The following RNF150 variants were observed in gnomAD, a reference collection of about 807,000 sequenced individuals.
RNF150 encodes ring finger protein 150.
A neutral mutation model predicts 39.3 loss-of-function variants in RNF150; 24 were observed. That is an observed-to-expected ratio of 0.61 (90% CI 0.44 to 0.86). The LOEUF (loss-of-function observed/expected upper bound fraction) is 0.86. RNF150 is among the 40% of genes least tolerant of loss of function. The probability of loss-of-function intolerance (pLI) is 0.00; values close to 1 mark genes in which losing one functional copy is unlikely to be tolerated. For synonymous variants in RNF150, 255 were observed against 227.3 expected (o/e 1.12, Z -1.10); for missense variants, 502 against 587.8 (o/e 0.85, Z 1.51).
At chr4:140,871,262 A>C (rs548157962) in intron 6 of RNF150, among the ~76,000 whole-genome samples, 40 of 152,228 alleles carry the variant, frequency 2.6e-4, no homozygotes, top group South Asian at 8.3e-4. Context: ...GGCCTCCTAC[A>C]TAGTGGGTTC....
At chr4:140,903,043 G>T (rs941787777) in intron 6 of RNF150, among the ~76,000 whole-genome samples, 1 of 152,194 alleles carries the variant, frequency 6.6e-6, no homozygotes, top group African/African-American at 2.4e-5. Context: ...TTTCTAGTGA[G>T]ACTTGGAAAG....
chr4:140,885,525 C>T (rs1283917076), intron 6 of RNF150, among the ~76,000 whole-genome samples: 4 of 150,406 alleles, frequency 2.7e-5, no homozygotes, highest in Admixed American at 1.3e-4. Flanking sequence ...CAACCACTGC[C>T]TCCCGGGTTC....
chr4:141,152,294 T>G (rs759054179), intron 1 of RNF150, among the ~76,000 whole-genome samples: 13 of 152,234 alleles, frequency 8.5e-5, no homozygotes, highest in Non-Finnish European at 1.5e-4. Context: ...ACTGGAATTT[T>G]GTCCAGTCAC....
chr4:140,923,910 G>T (rs1373501418), intron 5 of RNF150, among the ~76,000 whole-genome samples: 1 of 150,926 alleles, frequency 6.6e-6, no homozygotes, highest in African/African-American at 2.4e-5. Flanking sequence ...TCATAGGTGG[G>T]AATTGAACAA....
In RNF150 at chr4:141,211,226, T is replaced by C. The variant is rs1455630505; in HGVS notation, c.-6+1568A>G. 2.6e-5 allele frequency among the ~76,000 whole-genome samples: 4 copies of C among 152,188 alleles called. No individual in the cohort carries two copies. In the South Asian group the frequency reaches 6.2e-4, roughly 24 times the overall value. On this transcript the variant is annotated intron_variant, in intron 1 of 7. Transcript: ENST00000420921. ...TACTTAGTGTCTAAATAACTTTAAGTAGGTTTTCAAAAAAAATCACAGTAG... is the reference window on the plus strand; with the variant it reads ...TACTTAGTGTCTAAATAACTTTAAGCAGGTTTTCAAAAAAAATCACAGTAG...
intron 6 of RNF150, among the ~76,000 whole-genome samples, chr4:140,905,467 T>G (rs1027768090): frequency 6.6e-6 from 1 of 152,026 alleles, no homozygotes; most frequent in Non-Finnish European, 1.5e-5. Context: ...TTGCCAGATG[T>G]GCAATGAAAT....
intron 1 of RNF150, among the ~76,000 whole-genome samples, chr4:140,986,834 C>T (rs753051456): frequency 2.0e-5 from 3 of 152,018 alleles, no homozygotes; most frequent in Non-Finnish European, 4.4e-5. Flanking sequence ...ATCAAGTTAT[C>T]TTTTTTCAGT....
At chr4:141,046,150 G>A (rs765895604) in intron 1 of RNF150, among the ~76,000 whole-genome samples, 1 of 152,144 alleles carries the variant, frequency 6.6e-6, no homozygotes, top group Admixed American at 6.6e-5. Flanking sequence ...TTATGATCCC[G>A]AGATAAGATT....
intron 1 of RNF150, among the ~76,000 whole-genome samples, chr4:141,168,638 T>C (rs766900249): frequency 7.2e-5 from 11 of 152,158 alleles, no homozygotes; most frequent in Non-Finnish European, 1.2e-4. Context: ...GTTCACATCC[T>C]TTGCAGGTAC....
rs148337970 is a variant in RNF150 at position 141,044,894 on chromosome 4, G to C, written c.485-77021C>G. ...TTGATCTCAACATCTGTTTTGGTCT[G>C]GGAATAGCACAATTTGTTAGTTTAA... On this transcript the variant is annotated intron_variant, in intron 1 of 6. Coordinates refer to ENST00000515673, the MANE Select transcript of RNF150 (RefSeq NM_020724.2). Among the ~76,000 whole-genome samples the C allele has an allele frequency of 3.0e-4, 46 of 152,282 alleles. 1 individual carries two copies. The East Asian group carries it at 8.5e-3, about 28-fold the overall frequency.
At chr4:141,139,983 C>G (rs1194195770) in intron 1 of RNF150, among the ~76,000 whole-genome samples, 1 of 152,172 alleles carries the variant, frequency 6.6e-6, no homozygotes, top group Non-Finnish European at 1.5e-5. Context: ...TTTCAGCTCT[C>G]AAGCCTTCAC....
chr4:141,078,390 C>T (rs1737984883), intron 1 of RNF150, among the ~76,000 whole-genome samples: 1 of 152,264 alleles, frequency 6.6e-6, no homozygotes, highest in Admixed American at 6.5e-5. Flanking sequence ...ACATGCTTCT[C>T]TGTTTTGCAA....
At chr4:140,917,427 T>A (rs1316513772) in intron 5 of RNF150, among the ~76,000 whole-genome samples, 2 of 151,734 alleles carry the variant, frequency 1.3e-5, no homozygotes, top group Non-Finnish European at 2.9e-5. Flanking sequence ...CCAACAAAGA[T>A]CAAAAGAGAC....
intron 1 of RNF150, among the ~76,000 whole-genome samples, chr4:141,100,549 C>T (rs193078726): frequency 7.2e-5 from 11 of 152,258 alleles, no homozygotes; most frequent in Admixed American, 2.0e-4. Flanking sequence ...AATGCAGGAA[C>T]GGTTTTATTG....
At chr4:141,136,821 G>A (rs575036983), upstream of RNF150, among the ~76,000 whole-genome samples, 1 of 152,298 alleles carries the variant, frequency 6.6e-6, no homozygotes, top group East Asian at 1.9e-4. Flanking sequence ...CATCTGCTAT[G>A]AAGAAAAAGG....
At position 141,000,008 on chromosome 4, in the gene RNF150, G is replaced by GA. The variant is rs1476707356; in HGVS notation, c.485-32136dup. Among the ~76,000 whole-genome samples, 4 of 32,566 alleles carry GA rather than the reference G, an allele frequency of 1.2e-4. No homozygotes were observed. The East Asian group carries it at 2.7e-3, about 22-fold the overall frequency. The allele number at this position is 32,566 out of a possible 152,430, so 21.4% of individuals were successfully genotyped here. A position where few individuals can be genotyped will look rare whatever the true frequency, so the allele number is the denominator to read the frequency against. On this transcript the variant is annotated intron_variant, in intron 1 of 6. Coordinates refer to ENST00000515673, the MANE Select transcript of RNF150 (RefSeq NM_020724.2). Reference sequence around the variant, plus strand: ...GAAAAGAAGAAAAGAAGAAGAAGAAGAAGAAGAAGAAGAAGAAGAAGAAGA... The same window carrying GA: ...GAAAAGAAGAAAAGAAGAAGAAGAAGAAAGAAGAAGAAGAAGAAGAAGAAGA...
At chr4:141,038,491 A>G (rs1050221660) in intron 1 of RNF150, among the ~76,000 whole-genome samples, 5 of 152,076 alleles carry the variant, frequency 3.3e-5, no homozygotes, top group Non-Finnish European at 7.4e-5. Context: ...AGAGATCGAG[A>G]TCAGCCTGGG....
intron 6 of RNF150, among the ~76,000 whole-genome samples, chr4:140,897,756 T>C (rs1450894980): frequency 1.3e-5 from 2 of 152,216 alleles, no homozygotes; most frequent in Admixed American, 6.5e-5. Flanking sequence ...AACATTTTTT[T>C]TGAATGCTTA....
chr4:140,880,965 T>C (rs1284233033), intron 6 of RNF150, among the ~76,000 whole-genome samples: 1 of 152,188 alleles, frequency 6.6e-6, no homozygotes, highest in Non-Finnish European at 1.5e-5. Flanking sequence ...ACACAAATTC[T>C]AAGTTTGGTT....
Sources: gnomAD v4.1 joint callset for allele counts (sites outside exome capture counted in the v4.1 genomes callset) on GRCh38, gnomAD v4.1.1 for gene constraint, MANE v1.5 for transcripts, NCBI Gene and HGNC (gene_info 2026-07-23, HGNC 2026-07-21) for gene names.